PHIP: variants seen among roughly 807,000 people sequenced by gnomAD.
The protein encoded by PHIP is PH-interacting protein.
Under a neutral mutation model 236.8 loss-of-function variants are expected in PHIP, and 54 were observed. That is an observed-to-expected ratio of 0.23 (90% confidence interval 0.18 to 0.29). The LOEUF (loss-of-function observed/expected upper bound fraction) is 0.29. PHIP is among the 10% of genes least tolerant of loss of function. The pLI, the probability that PHIP is intolerant of heterozygous loss-of-function variation, is 1.00. For missense variants in PHIP, 1,370 were observed against 2,190.8 expected (o/e 0.63, Z 7.48); for synonymous variants, 756 against 718.9 (o/e 1.05, Z -0.83).
chr6:78,992,199 T>C (rs1469956847), intron 19 of PHIP, among the ~76,000 whole-genome samples: 1 of 152,056 alleles, frequency 6.6e-6, no homozygotes, highest in African/African-American at 2.4e-5. Context: ...CCTGACCTCG[T>C]GATCCCCCCC....
intron 15 of PHIP, among the ~76,000 whole-genome samples, chr6:79,012,843 T>C (rs1770659162): frequency 6.6e-6 from 1 of 151,508 alleles, no homozygotes; most frequent in African/African-American, 2.4e-5. Context: ...GCAAAAAGAA[T>C]TAGGGCAATT....
At chr6:79,029,440 ATAAT>A (rs1289167288) in intron 7 of PHIP, among the ~76,000 whole-genome samples, 2 of 152,240 alleles carry the variant, frequency 1.3e-5, no homozygotes, top group Non-Finnish European at 2.9e-5. Context: ...GTACTCAAAA[ATAAT>A]TGACTAGAAG....
In PHIP at chr6:79,015,162, G is replaced by C. The variant is rs1407959776; in HGVS notation, c.1444C>G (p.Leu482Val). The change falls in exon 15 of 40, where the codon CTC becomes GTC. Residue 482 changes from leucine to valine, a missense_variant. Around this residue, in one of 14 missense-constraint regions of PHIP, gnomAD observed 188 missense variants for 354.3 expected, o/e 0.53. Coordinates refer to ENST00000275034, the MANE Select transcript of PHIP (RefSeq NM_017934.7). Reference protein sequence around the residue: ...LEPHPFDPRVLFSAGHDGNVI... With the variant: ...LEPHPFDPRVVFSAGHDGNVI... ...TTTCCATCATGACCAGCAGAAAAGA[G>C]AACTCTAGGATCGAACGGGTGTGGT... 6.2e-7 allele frequency: 1 copy of C among 1,611,046 alleles called. No homozygotes were observed. The highest frequency in any genetic ancestry group is 1.1e-5 in the South Asian group (1 of 90,992).
intron 20 of PHIP, among the ~76,000 whole-genome samples, chr6:78,990,013 G>A (rs1221221531): frequency 6.6e-6 from 1 of 152,078 alleles, no homozygotes. Flanking sequence ...ATTTTGAAGA[G>A]ATGAGTAATA....
At chr6:79,024,411 A>G (rs1771283053) in intron 9 of PHIP, among the ~76,000 whole-genome samples, 1 of 152,212 alleles carries the variant, frequency 6.6e-6, no homozygotes, top group African/African-American at 2.4e-5. Context: ...CAACACTGTG[A>G]AATCAACTGA....
chr6:78,949,687 T>C (rs1774031884), intron 35 of PHIP, among the ~76,000 whole-genome samples: 1 of 147,316 alleles, frequency 6.8e-6, no homozygotes, highest in Non-Finnish European at 1.5e-5. Context: ...TCTTTTTTAC[T>C]TTTTTTTTTT....
chr6:79,076,922 A>G (rs74839403), intron 4 of PHIP, among the ~76,000 whole-genome samples: 13,680 of 152,278 alleles, frequency 0.09, 726 homozygotes, highest in African/African-American at 0.13. Context: ...TAAACGACAG[A>G]GGGGGAAAAA....
intron 7 of PHIP, among the ~76,000 whole-genome samples, chr6:79,030,130 G>C (rs1771598924): frequency 6.6e-6 from 1 of 152,144 alleles, no homozygotes; most frequent in East Asian, 1.9e-4. Flanking sequence ...GAGAGATCAT[G>C]TAACCTCAGC....
rs199510464 is a variant in PHIP, at chr6:78,945,382, T to C, written c.4746A>G (p.Glu1582=). 1 of 1,613,720 alleles carries C rather than the reference T, an allele frequency of 6.2e-7. No homozygotes were observed. Among genetic ancestry groups the C allele is most frequent in the Non-Finnish European group, 8.5e-7 (1 of 1,179,630 alleles). The part of the protein sequence containing the change: ...NNSAKENMEK[E]KPVKRKMKSS... Reference sequence around the variant, plus strand: ...ACTTCATTTTACGTTTGACTGGCTTTTCCTTTTCCATGTTTTCTTTTGCAG... The same window carrying C: ...ACTTCATTTTACGTTTGACTGGCTTCTCCTTTTCCATGTTTTCTTTTGCAG... The change falls in exon 39 of 40, where the codon GAA becomes GAG. Residue 1582 remains glutamate, a synonymous_variant. Transcript: ENST00000275034.
At chr6:79,024,269 G>C (rs941218171) in intron 9 of PHIP, among the ~76,000 whole-genome samples, 9 of 152,014 alleles carry the variant, frequency 5.9e-5, no homozygotes, top group African/African-American at 2.2e-4. Context: ...AAATAACAAA[G>C]GCATACATAT....
At chr6:78,998,114 T>C in intron 18 of PHIP, 140 bp downstream of exon 18, 1 of 635,476 alleles carries the variant, frequency 1.6e-6, no homozygotes, top group Non-Finnish European at 2.7e-6. Context: ...TTAAATATTC[T>C]TCAAAACCAT....
Position 79,077,462 on chromosome 6 carries a change from T to A in PHIP, c.175A>T (p.Thr59Ser). Reference protein sequence around the residue: ...TDWTGKEHPRTYQNLVKYYRH... With the variant: ...TDWTGKEHPRSYQNLVKYYRH... ...GAATGTCTCACCAGATTCTGGTAGG[T>A]CCTGGGATGCTCCTTCCCGGTCCAG... The change falls in exon 4 of 40, where the codon ACC becomes TCC. Residue 59 changes from threonine (T) to serine (S), a missense_variant. Thr to Ser is a moderately conservative substitution (Grantham distance 58). This residue lies in a region of PHIP where 82 missense variants were observed against 203.2 expected (regional missense o/e 0.40). Transcript: ENST00000275034. 1 of 1,592,114 alleles carries A rather than the reference T, an allele frequency of 6.3e-7. No individual in the cohort carries two copies.
At position 79,025,939 on chromosome 6, in the gene PHIP, T is replaced by C; in HGVS notation, c.822+4A>G. ...CAACAATGTATAGGGATTAAGACAATTACCTGTAGTGATGTAATAGATGCA... is the reference window on the plus strand; with the variant it reads ...CAACAATGTATAGGGATTAAGACAACTACCTGTAGTGATGTAATAGATGCA... On this transcript the variant is annotated splice_donor_region_variant and intron_variant, in intron 8 of 39. Transcript: ENST00000275034. 2 of 1,577,820 alleles carry C rather than the reference T, an allele frequency of 1.3e-6. No individual in the cohort carries two copies. Among genetic ancestry groups the C allele is most frequent in the Non-Finnish European group, 1.7e-6 (2 of 1,148,940 alleles).
chr6:78,992,304 T>C (rs900227250), intron 19 of PHIP, among the ~76,000 whole-genome samples: 1 of 152,154 alleles, frequency 6.6e-6, no homozygotes, highest in African/African-American at 2.4e-5. Flanking sequence ...CTTTATCTAA[T>C]TCCCCCAAAT....
intron 7 of PHIP, among the ~76,000 whole-genome samples, chr6:79,028,817 C>G (rs778416757): frequency 1.1e-4 from 17 of 152,160 alleles, no homozygotes; most frequent in Non-Finnish European, 1.5e-4. Flanking sequence ...TCTTATGAAT[C>G]TTTGAATAAG....
rs36155238 is a variant in PHIP, at chr6:78,940,548, GTTTTTTTTTTT to G, written c.*134_*144del. Reference sequence around the variant, plus strand: ...AAGAAGTGAAGTGTCTCGTAAGTTTGTTTTTTTTTTTTTTTTTTTTTTTGCAAATCAAATCA... The same window carrying G: ...AAGAAGTGAAGTGTCTCGTAAGTTTGTTTTTTTTTTTTGCAAATCAAATCA... On this transcript the variant is annotated 3_prime_UTR_variant, in exon 40 of 40. Transcript: ENST00000275034. 1 of 79,802 alleles carries G rather than the reference GTTTTTTTTTTT, an allele frequency of 1.3e-5. No homozygotes were observed. The highest frequency in any genetic ancestry group is 0.012 in the Middle Eastern group (1 of 82). The allele number at this position is 79,802 out of a possible 1,614,324, so 4.9% of individuals were successfully genotyped here. A position where few individuals can be genotyped will look rare whatever the true frequency, so the allele number is the denominator to read the frequency against.
intron 35 of PHIP, among the ~76,000 whole-genome samples, chr6:78,953,864 G>A (rs1448636899): frequency 1.3e-5 from 2 of 152,048 alleles, no homozygotes; most frequent in African/African-American, 4.8e-5. Context: ...GGGATTACAG[G>A]TGTAAGACAC....
intron 35 of PHIP, among the ~76,000 whole-genome samples, chr6:78,949,662 C>T (rs572590729): frequency 2.0e-4 from 30 of 151,966 alleles, no homozygotes; most frequent in South Asian, 1.7e-3. Context: ...TGGTAAGCCC[C>T]GACTTTTCTG....
chr6:79,035,270 T>C (rs533032301), intron 7 of PHIP, among the ~76,000 whole-genome samples: 2 of 152,292 alleles, frequency 1.3e-5, no homozygotes, highest in East Asian at 1.9e-4. Context: ...CTGAGTCTTC[T>C]TGGGAGTTGA....
Sources: gnomAD v4.1 joint callset for allele counts (sites outside exome capture counted in the v4.1 genomes callset) on GRCh38, gnomAD v4.1.1 for gene constraint, gnomAD v4.1.1 regional missense constraint, MANE v1.5 for transcripts, NCBI Gene and HGNC (gene_info 2026-07-23, HGNC 2026-07-21) for gene names.